Variants in MYH9 observed in about 807,000 individuals in gnomAD.
MYH9 encodes the protein myosin-9.
A neutral mutation model predicts 241.9 loss-of-function variants in MYH9; 29 were observed. The ratio of observed to expected loss-of-function variants is 0.12; its 90% CI spans 0.09 to 0.16. The LOEUF (loss-of-function observed/expected upper bound fraction) is 0.16. Ranked by LOEUF, MYH9 falls within the 10% of genes least tolerant of loss-of-function variation. The pLI, the probability that MYH9 is intolerant of heterozygous loss-of-function variation, is 1.00. For missense variants in MYH9, 1,803 were observed against 2,595.5 expected (o/e 0.69, Z 6.63); for synonymous variants, 1,047 against 1,062.6 (o/e 0.99, Z 0.29).
At chr22:36,359,674 T>TA (rs2017907352) in intron 1 of MYH9, among the ~76,000 whole-genome samples, 2 of 152,168 alleles carry the variant, frequency 1.3e-5, no homozygotes, top group Admixed American at 6.5e-5. Flanking sequence ...ACCTACCACC[T>TA]ACTACCAGTC....
intron 1 of MYH9, among the ~76,000 whole-genome samples, chr22:36,385,085 TACG>T (rs958949248): frequency 1.3e-5 from 2 of 152,084 alleles, no homozygotes; most frequent in African/African-American, 4.8e-5. Context: ...TTTGTTTAAT[TACG>T]ACGACACACA....
At position 36,288,351 on chromosome 22, in the gene MYH9, G is replaced by C. The variant is rs374641578; in HGVS notation, c.4833C>G (p.Ala1611=). The change falls in exon 34 of 41, where the codon GCC becomes GCG. Residue 1611 remains alanine, a synonymous_variant. Coordinates refer to ENST00000216181, the MANE Select transcript of MYH9 (RefSeq NM_002473.6). The surrounding 1 kb of genome is among the most constrained non-coding windows in gnomAD (Gnocchi z 4.8). Reference sequence around the variant, plus strand: ...TCAGGTCCATCTCCAGCTTCTTCCGGGCGGCCACTGCCATCGAGCGCTGCT... The same window carrying C: ...TCAGGTCCATCTCCAGCTTCTTCCGCGCGGCCACTGCCATCGAGCGCTGCT... ...ERKQRSMAVA[A]RKKLEMDLKD... The C allele has an allele frequency of 1.2e-6, 2 of 1,613,794 alleles. No individual in the cohort carries two copies. The highest frequency in any genetic ancestry group is 2.7e-5 in the African/African-American group (2 of 74,910).
At chr22:36,322,584 G>C in intron 5 of MYH9, 63 bp from the exon 6 acceptor site, 1 of 1,506,356 alleles carries the variant, frequency 6.6e-7, no homozygotes, top group African/African-American at 1.4e-5. Context: ...AGCCTGCCCT[G>C]CCTGGAAGGG....
At chr22:36,334,949 C>T (rs1015945011) in intron 3 of MYH9, among the ~76,000 whole-genome samples, 1 of 152,198 alleles carries the variant, frequency 6.6e-6, no homozygotes, top group East Asian at 1.9e-4. Context: ...CACAGTCTCT[C>T]CTCCACGACA....
Position 36,320,260 on chromosome 22 carries a change from C to T in MYH9, c.972G>A (p.Glu324=). 6.2e-7 allele frequency: 1 copy of T among 1,614,230 alleles called. No individual in the cohort carries two copies. The highest frequency in any genetic ancestry group is 8.5e-7 in the Non-Finnish European group (1 of 1,180,038). ...QDKDMFQETM[E]AMRIMGIPEE... ...CTGGGATGCCCATAATCCTCATGGCCTCCATGGTCTCCTGGAACATGTCCT... is the reference window on the plus strand; with the variant it reads ...CTGGGATGCCCATAATCCTCATGGCTTCCATGGTCTCCTGGAACATGTCCT... The change falls in exon 9 of 41, where the codon GAG becomes GAA. Residue 324 remains glutamate, a synonymous_variant. Transcript: ENST00000216181. This position sits in a 1 kb window ranked among gnomAD's most constrained non-coding sequence, Gnocchi z 4.8.
chr22:36,316,594 T>G lies in MYH9; in HGVS notation c.1303A>C (p.Lys435Gln). The change falls in exon 12 of 41, where the codon AAG (lysine) becomes CAG (glutamine). Residue 435 changes from lysine to glutamine, a missense_variant. Lys to Gln is a moderately conservative substitution (Grantham distance 53). Transcript: ENST00000216181. ...TGCCTCTTGGTCTTGTCCAGAGCCTTGTTGATGCGCAGCACCAGCCAGCGG... is the reference window on the plus strand; with the variant it reads ...TGCCTCTTGGTCTTGTCCAGAGCCTGGTTGATGCGCAGCACCAGCCAGCGG... ...MFRWLVLRINKALDKTKRQGA... is the reference protein window; with the variant it reads ...MFRWLVLRINQALDKTKRQGA... 2.5e-6 allele frequency: 4 copies of G among 1,614,120 alleles called. No homozygotes were observed. Among genetic ancestry groups the G allele is most frequent in the Non-Finnish European group, 3.4e-6 (4 of 1,180,034 alleles).
intron 31 of MYH9, among the ~76,000 whole-genome samples, chr22:36,289,785 C>A (rs1393684740): frequency 6.6e-6 from 1 of 152,090 alleles, no homozygotes; most frequent in Non-Finnish European, 1.5e-5. Context: ...TATTTCCCCA[C>A]CTTCCCTTCC....
At chr22:36,317,836 G>A (rs927634753) in intron 11 of MYH9, among the ~76,000 whole-genome samples, 1 of 152,274 alleles carries the variant, frequency 6.6e-6, no homozygotes, top group Non-Finnish European at 1.5e-5. Flanking sequence ...CGAGGATGGC[G>A]GGAGCCGCCA....
chr22:36,387,535 G>A (rs1252902885), intron 1 of MYH9, among the ~76,000 whole-genome samples: 3 of 151,878 alleles, frequency 2.0e-5, no homozygotes, highest in East Asian at 2.0e-4. Context: ...GGGGGACACG[G>A]GGGGCGCCGG....
intron 15 of MYH9, among the ~76,000 whole-genome samples, chr22:36,308,280 T>G (rs1209481370): frequency 3.9e-5 from 6 of 152,016 alleles, no homozygotes; most frequent in Non-Finnish European, 8.8e-5. Context: ...ATTTTTTTTT[T>G]TTTTTGAGGC....
Position 36,288,964 on chromosome 22 carries a change from G to C in MYH9, c.4558-25C>G. 1 of 1,613,596 alleles carries C rather than the reference G, an allele frequency of 6.2e-7. No individual in the cohort carries two copies. The highest frequency in any genetic ancestry group is 8.5e-7 in the Non-Finnish European group (1 of 1,180,014). ...CCTGAGCCCCAGAGAGCCCAAGTCAGGAGCAAAGGGACTGGCAGGTACCTG... is the reference window on the plus strand; with the variant it reads ...CCTGAGCCCCAGAGAGCCCAAGTCACGAGCAAAGGGACTGGCAGGTACCTG... On this transcript the variant is annotated intron_variant, in intron 32 of 40. Transcript: ENST00000216181. The surrounding 1 kb of genome is among the most constrained non-coding windows in gnomAD (Gnocchi z 4.8).
chr22:36,285,479 T>C lies in MYH9; in HGVS notation c.5275-150A>G. On this transcript the variant is annotated intron_variant, in intron 37 of 40. Coordinates refer to ENST00000216181, the MANE Select transcript of MYH9 (RefSeq NM_002473.6). This position sits in a 1 kb window ranked among gnomAD's most constrained non-coding sequence, Gnocchi z 7.0. The stretch of plus-strand genomic sequence containing the variant: ...CAGAAAAGGGAAGATTAGAAACTTC[T>C]GAACACCCAACACAGAAGCCAGAGG... The C allele has an allele frequency of 7.6e-7, 1 of 1,316,178 alleles. No individual in the cohort carries two copies. The highest frequency in any genetic ancestry group is 1.1e-6 in the Non-Finnish European group (1 of 940,570). 81.5% of individuals were successfully genotyped at this position (1,316,178 alleles called of 1,614,324 possible). A position where few individuals can be genotyped will look rare whatever the true frequency, so the allele number is the denominator to read the frequency against.
At chr22:36,341,016 C>T (rs1350058499) in intron 3 of MYH9, among the ~76,000 whole-genome samples, 1 of 151,124 alleles carries the variant, frequency 6.6e-6, no homozygotes, top group Admixed American at 6.6e-5. Context: ...GGGGAAGAAG[C>T]AAGAAAGGAA....
At chr22:36,371,972 C>T (rs2018097224) in intron 1 of MYH9, among the ~76,000 whole-genome samples, 1 of 151,990 alleles carries the variant, frequency 6.6e-6, no homozygotes, top group Admixed American at 6.6e-5. Context: ...GCAGGGACTT[C>T]AGTTGCCTTA....
At chr22:36,322,248 G>C (rs1207122317) in intron 6 of MYH9, among the ~76,000 whole-genome samples, 181 bp downstream of exon 6, 2 of 152,232 alleles carry the variant, frequency 1.3e-5, no homozygotes, top group South Asian at 4.1e-4. Context: ...CCTTAAGAGG[G>C]GCAGGGCAGG....
chr22:36,292,988 C>G (rs2016731012), intron 30 of MYH9, among the ~76,000 whole-genome samples: 3 of 152,218 alleles, frequency 2.0e-5, no homozygotes, highest in Admixed American at 2.0e-4. Flanking sequence ...ACAACCCTGA[C>G]AGGGTAACTG....
chr22:36,305,569 A>G lies in MYH9; in HGVS notation c.2159+361T>C, dbSNP rs2016955362. Among the ~76,000 whole-genome samples the G allele has an allele frequency of 6.6e-6, 1 of 152,190 alleles. No homozygotes were observed. Among genetic ancestry groups the G allele is most frequent in the Non-Finnish European group, 1.5e-5 (1 of 68,014 alleles). On this transcript the variant is annotated intron_variant, in intron 17 of 40. Coordinates refer to ENST00000216181, the MANE Select transcript of MYH9 (RefSeq NM_002473.6). The surrounding 1 kb of genome is among the most constrained non-coding windows in gnomAD (Gnocchi z 4.7). The stretch of plus-strand genomic sequence containing the variant: ...TCGCCGTCTTCGCACACAGCAACGC[A>G]CGGCCGTGTTTCATTTCCACAAAGT...
rs2016965537 is a variant in MYH9, at chr22:36,306,106, G to T, written c.2038-55C>A. The T allele has an allele frequency of 1.2e-6, 2 of 1,608,084 alleles. No individual in the cohort carries two copies. Among genetic ancestry groups the T allele is most frequent in the Non-Finnish European group, 1.7e-6 (2 of 1,179,830 alleles). ...CACTTCCGTGCCTAGAACAGTCGGA[G>T]AATAGTCAGGGAACCCCTATGAACC... On this transcript the variant is annotated intron_variant, in intron 16 of 40. Transcript: ENST00000216181. The surrounding 1 kb of genome is among the most constrained non-coding windows in gnomAD (Gnocchi z 4.1).
rs115570390 is a variant in MYH9 at position 36,345,027 on chromosome 22, T to C, written c.334-3501A>G. 3.5e-3 allele frequency among the ~76,000 whole-genome samples: 531 copies of C among 152,274 alleles called. 4 individuals carry two copies. The highest frequency in any genetic ancestry group is 0.012 in the African/African-American group (513 of 41,566). On this transcript the variant is annotated intron_variant, in intron 2 of 40. Transcript: ENST00000216181. ...GGCTGGGTACTTTAGAAAGTTCCCA[T>C]GGATGCCGGGTGTGGTGGCTCACGC...
Sources: gnomAD v4.1 joint callset for allele counts (sites outside exome capture counted in the v4.1 genomes callset) on GRCh38, gnomAD v4.1.1 for gene constraint, Gnocchi (gnomAD v3.1) non-coding constraint, MANE v1.5 for transcripts, NCBI Gene and HGNC (gene_info 2026-07-23, HGNC 2026-07-21) for gene names.